Variants in MSRB3 observed in about 807,000 individuals in gnomAD.
The protein encoded by MSRB3 is methionine-R-sulfoxide reductase B3.
In MSRB3, 13 loss-of-function variants were observed where a neutral mutation model predicts 21.0. The observed-to-expected ratio is 0.62, with a 90% confidence interval of 0.40 to 0.98. The LOEUF is 0.98. Among genes scored for constraint, MSRB3 ranks in the 50% least tolerant of loss-of-function variants. MSRB3 has a pLI of 0.00. For synonymous variants in MSRB3, 87 were observed against 88.6 expected, an observed-to-expected ratio of 0.98 and a Z score of 0.10; for missense variants, 199 against 230.3, an observed-to-expected ratio of 0.86 and a Z score of 0.88.
chr12:65,358,547 A>AT (rs533138762), intron 4 of MSRB3, among the ~76,000 whole-genome samples: 13 of 150,952 alleles, frequency 8.6e-5, no homozygotes, highest in Admixed American at 2.6e-4. Flanking sequence ...TGTGGGGTGT[A>AT]TTTTTTTTGT....
At chr12:65,359,194 G>T (rs1877563790) in intron 4 of MSRB3, among the ~76,000 whole-genome samples, 1 of 151,958 alleles carries the variant, frequency 6.6e-6, no homozygotes, top group Admixed American at 6.6e-5. Flanking sequence ...ATTCTAGAGA[G>T]TTCTGTAAAG....
Position 65,430,147 on chromosome 12 carries a change from G to A in MSRB3, c.293-23581G>A, listed in dbSNP as rs192504271. Among the ~76,000 whole-genome samples the A allele has an allele frequency of 4.5e-3, 686 of 152,212 alleles. 4 individuals are homozygous for A. The highest frequency in any genetic ancestry group is 0.015 in the African/African-American group (627 of 41,530). ...TTTGAAGAATCTAAAAGGCTTCAGG[G>A]TAACAGTGAAGTGGACGACACATTC... On this transcript the variant is annotated intron_variant, in intron 5 of 6. Coordinates refer to ENST00000308259, the MANE Select transcript of MSRB3 (RefSeq NM_001031679.3).
intron 4 of MSRB3, among the ~76,000 whole-genome samples, chr12:65,339,654 T>C (rs988631972): frequency 6.6e-6 from 1 of 152,240 alleles, no homozygotes; most frequent in African/African-American, 2.4e-5. Flanking sequence ...TTTATTTTCT[T>C]TGTTTTTAAT....
intron 1 of MSRB3, among the ~76,000 whole-genome samples, chr12:65,295,357 C>T (rs191736381): frequency 8.5e-5 from 13 of 152,240 alleles, no homozygotes; most frequent in South Asian, 2.1e-4. Flanking sequence ...TGACTATTGT[C>T]GAATAGTTGA....
chr12:65,380,225 A>T (rs1878864094), intron 5 of MSRB3, among the ~76,000 whole-genome samples: 1 of 152,150 alleles, frequency 6.6e-6, no homozygotes, highest in Non-Finnish European at 1.5e-5. Flanking sequence ...AGGCACAGAG[A>T]CGTAATTGCT....
At chr12:65,387,475 G>A (rs1592589353) in intron 5 of MSRB3, among the ~76,000 whole-genome samples, 2 of 152,024 alleles carry the variant, frequency 1.3e-5, no homozygotes, top group Admixed American at 6.6e-5. Context: ...TGATGACTAG[G>A]GAGGTTGAAT....
chr12:65,392,802 C>G (rs906686299), intron 5 of MSRB3, among the ~76,000 whole-genome samples: 2 of 152,124 alleles, frequency 1.3e-5, no homozygotes, highest in African/African-American at 4.8e-5. Flanking sequence ...TTTCATGCTC[C>G]CTCTTGTTGA....
chr12:65,279,030 G>C lies in MSRB3; in HGVS notation c.-52+165G>C, dbSNP rs539111355. The C allele has an allele frequency of 1.3e-5, 19 of 1,433,166 alleles. No homozygotes were observed. The East Asian group carries it at 3.1e-4, about 24-fold the overall frequency. The allele number at this position is 1,433,166 out of a possible 1,614,324, so 88.8% of individuals were successfully genotyped here. A position where few individuals can be genotyped will look rare whatever the true frequency, so the allele number is the denominator to read the frequency against. ...CCTCAGCCGAGAAGGGGAGCAGAAG[G>C]GTTGCGCCCCGCGCCAGCGGTGAGG... On this transcript the variant is annotated intron_variant, in intron 1 of 6. Coordinates refer to ENST00000308259, the MANE Select transcript of MSRB3 (RefSeq NM_001031679.3).
chr12:65,316,491 T>A (rs1344079305), intron 2 of MSRB3, among the ~76,000 whole-genome samples: 1 of 152,146 alleles, frequency 6.6e-6, no homozygotes, highest in Non-Finnish European at 1.5e-5. Context: ...GGTAGAAATT[T>A]TTGTCTGTTT....
intron 6 of MSRB3, among the ~76,000 whole-genome samples, chr12:65,461,062 C>T (rs1356809563): frequency 2.2e-5 from 3 of 133,774 alleles, no homozygotes; most frequent in Non-Finnish European, 5.2e-5. Flanking sequence ...GCTGCATTCT[C>T]TCATTAAACA....
At chr12:65,347,150 C>T (rs773192483) in intron 4 of MSRB3, among the ~76,000 whole-genome samples, 2 of 152,178 alleles carry the variant, frequency 1.3e-5, no homozygotes, top group Non-Finnish European at 2.9e-5. Context: ...ATGGGGCTGG[C>T]ATTGAATCTA....
chr12:65,279,842 C>G (rs1871907426), intron 1 of MSRB3, among the ~76,000 whole-genome samples: 1 of 152,098 alleles, frequency 6.6e-6, no homozygotes, highest in South Asian at 2.1e-4. Context: ...GATGAGTAGT[C>G]GTCAAAGCTT....
chr12:65,285,423 G>A (rs1363879887), intron 1 of MSRB3: 1 of 152,156 alleles, frequency 6.6e-6, no homozygotes, highest in Non-Finnish European at 1.5e-5. Context: ...TTGATACTTG[G>A]TTTCCTAAAG....
intron 5 of MSRB3, among the ~76,000 whole-genome samples, chr12:65,394,058 T>G (rs1172874274): frequency 6.6e-6 from 1 of 152,142 alleles, no homozygotes; most frequent in Non-Finnish European, 1.5e-5. Context: ...GGTGGAAAGA[T>G]TATCTAGTTA....
chr12:65,301,618 T>C lies in MSRB3; in HGVS notation c.-51-6911T>C, dbSNP rs532141959. On this transcript the variant is annotated intron_variant, in intron 1 of 6. Transcript: ENST00000308259. ...AACAGTGCAGGATGTTACAAAATCA[T>C]GGAAGGTTAGAAGGTCCATTCAAAA... is the stretch of plus-strand genomic sequence containing the variant. 7.2e-5 allele frequency among the ~76,000 whole-genome samples: 11 copies of C among 152,294 alleles called. No individual in the cohort carries two copies. The South Asian group carries it at 1.4e-3, about 20-fold the overall frequency.
chr12:65,343,964 T>C (rs2136478340), intron 4 of MSRB3, among the ~76,000 whole-genome samples: 1 of 152,216 alleles, frequency 6.6e-6, no homozygotes, highest in Middle Eastern at 3.4e-3. Context: ...CTTTCCCCAC[T>C]TTACTGTGTG....
chr12:65,289,390 T>A (rs4762093), intron 1 of MSRB3, among the ~76,000 whole-genome samples: 42,511 of 151,880 alleles, frequency 0.28, 6,019 homozygotes, highest in Admixed American at 0.37. Flanking sequence ...GCTACTCAGG[T>A]GGCTGAGGCA....
intron 4 of MSRB3, among the ~76,000 whole-genome samples, chr12:65,353,099 A>T (rs1045805658): frequency 6.6e-6 from 1 of 152,178 alleles, no homozygotes; most frequent in Non-Finnish European, 1.5e-5. Context: ...ACAGTTTGTT[A>T]TAATTTCTAT....
At chr12:65,320,251 A>G (rs192081143) in intron 2 of MSRB3, among the ~76,000 whole-genome samples, 34 of 152,314 alleles carry the variant, frequency 2.2e-4, no homozygotes, top group Admixed American at 1.4e-3. Context: ...AAGAAGAAAC[A>G]ATTATCTTTT....
Sources: allele counts gnomAD v4.1 joint callset (sites outside exome capture counted in the v4.1 genomes callset), GRCh38; gene constraint gnomAD v4.1.1; transcripts MANE v1.5; gene names NCBI Gene and HGNC (gene_info 2026-07-23, HGNC 2026-07-21).